Variants in RANBP2 observed in about 807,000 individuals in gnomAD.
RANBP2 encodes RAN binding protein 2, also known as E3 SUMO-protein ligase RanBP2.
A neutral mutation model predicts 303.6 loss-of-function variants in RANBP2; 57 were observed. The ratio of observed to expected loss-of-function variants is 0.19; its 90% confidence interval spans 0.15 to 0.23. The LOEUF is 0.23. Ranked by LOEUF, RANBP2 falls within the 10% of genes least tolerant of loss-of-function variation. The pLI is 1.00. For missense variants in RANBP2, 3,138 were observed against 3,780.8 expected (o/e 0.83, Z 4.46); for synonymous variants, 1,167 against 1,301.5 (o/e 0.90, Z 2.23).
the RANBP2 span, among the ~76,000 whole-genome samples, chr2:109,404,617 G>C: frequency 0.3 from 45,304 of 152,094 alleles, 7,877 homozygotes; most frequent in Non-Finnish European, 0.39. Context: ...ACAGGGCCTG[G>C]GCAGGTGGGG....
At chr2:108,856,529 T>C in the RANBP2 span, among the ~76,000 whole-genome samples, 1 of 152,214 alleles carries the variant, frequency 6.6e-6, no homozygotes, top group East Asian at 1.9e-4. Context: ...TTTTCTTCCT[T>C]AGTATTAAAA....
chr2:108,976,188 G>A, the RANBP2 span, among the ~76,000 whole-genome samples: 4 of 152,094 alleles, frequency 2.6e-5, no homozygotes, highest in Non-Finnish European at 5.9e-5. Context: ...ACATCCTTAG[G>A]CTCTTCTTGG....
the RANBP2 span, among the ~76,000 whole-genome samples, chr2:108,892,408 C>T: frequency 6.6e-6 from 1 of 152,168 alleles, no homozygotes; most frequent in Non-Finnish European, 1.5e-5. Flanking sequence ...TTGTTTGTTT[C>T]TTAGCCCTGG....
At chr2:109,667,264 C>A in the RANBP2 span, 1 of 784,520 alleles carries the variant, frequency 1.3e-6, no homozygotes, top group Non-Finnish European at 2.2e-6. Context: ...AGGCAGAGAC[C>A]AACCATCATA....
the RANBP2 span, chr2:109,371,760 A>G: frequency 3.4e-6 from 4 of 1,161,702 alleles, no homozygotes; most frequent in African/African-American, 3.0e-5. Context: ...CCTGACCTTC[A>G]AGCCCCTTTT....
chr2:108,958,329 G>A, the RANBP2 span, among the ~76,000 whole-genome samples: 5 of 151,744 alleles, frequency 3.3e-5, no homozygotes, highest in South Asian at 4.2e-4. Context: ...AGCTCGTAAC[G>A]ACCACATAAT....
At chr2:109,131,602 A>G in the RANBP2 span, among the ~76,000 whole-genome samples, 1 of 152,198 alleles carries the variant, frequency 6.6e-6, no homozygotes, top group African/African-American at 2.4e-5. Context: ...GTGTTTGACC[A>G]GGAGGTTAGG....
chr2:108,736,342 A>G, intron 6 of RANBP2, 93 bp downstream of exon 6: 1 of 1,604,576 alleles, frequency 6.2e-7, no homozygotes, highest in Admixed American at 1.7e-5. Flanking sequence ...CTGAATCATT[A>G]TTTGTATAAT....
the RANBP2 span, among the ~76,000 whole-genome samples, chr2:109,106,935 T>G: frequency 0.018 from 1,519 of 83,828 alleles, 26 homozygotes; most frequent in African/African-American, 0.089. Context: ...GGCCTTCTCC[T>G]TTTTTTTTTT....
the RANBP2 span, among the ~76,000 whole-genome samples, chr2:109,379,824 G>A: frequency 1.3e-5 from 2 of 152,060 alleles, no homozygotes; most frequent in African/African-American, 2.4e-5. Flanking sequence ...AGCCAGAAGC[G>A]AGGACCAGAA....
chr2:108,906,256 TTCA>T, the RANBP2 span: 1 of 1,595,236 alleles, frequency 6.3e-7, no homozygotes, highest in Non-Finnish European at 8.6e-7. Context: ...GGCCCAGCCC[TTCA>T]TGTCGGTGGG....
chr2:109,067,589 C>T, the RANBP2 span, among the ~76,000 whole-genome samples: 2 of 152,200 alleles, frequency 1.3e-5, no homozygotes, highest in African/African-American at 2.4e-5. Flanking sequence ...TCTGTCTCTC[C>T]TGGGTGTTGG....
At chr2:109,145,916 C>T in the RANBP2 span, among the ~76,000 whole-genome samples, 20 of 152,242 alleles carry the variant, frequency 1.3e-4, no homozygotes, top group Non-Finnish European at 2.8e-4. Context: ...CCCTGGAGCC[C>T]GAATGCCTGG....
At chr2:109,143,323 A>T in the RANBP2 span, among the ~76,000 whole-genome samples, 2 of 152,212 alleles carry the variant, frequency 1.3e-5, no homozygotes, top group Non-Finnish European at 2.9e-5. Flanking sequence ...TGGATAAAAA[A>T]TGCCTTAAGT....
At chr2:108,931,690 C>T in the RANBP2 span, among the ~76,000 whole-genome samples, 7 of 152,134 alleles carry the variant, frequency 4.6e-5, no homozygotes, top group Non-Finnish European at 7.3e-5. Context: ...TAATATTACA[C>T]GAATGCATTC....
the RANBP2 span, among the ~76,000 whole-genome samples, chr2:109,321,112 G>A: frequency 1.4e-4 from 22 of 152,238 alleles, no homozygotes; most frequent in Admixed American, 1.4e-3. Flanking sequence ...AGTATTCATG[G>A]AAGAAAGACT....
the RANBP2 span, chr2:109,501,508 G>A: frequency 3.9e-6 from 3 of 777,424 alleles, no homozygotes; most frequent in African/African-American, 3.4e-5. Flanking sequence ...CCCAGGTACC[G>A]CGTGGTGGTC....
chr2:108,969,297 T>C, the RANBP2 span, among the ~76,000 whole-genome samples: 1 of 152,238 alleles, frequency 6.6e-6, no homozygotes, highest in African/African-American at 2.4e-5. Context: ...GATTCTGTCT[T>C]TCCAAGACCT....
the RANBP2 span, among the ~76,000 whole-genome samples, chr2:109,390,101 G>A: frequency 6.6e-6 from 1 of 152,194 alleles, no homozygotes; most frequent in Non-Finnish European, 1.5e-5. Flanking sequence ...GGATTTAAGT[G>A]TCTACCGGAG....
Sources: allele counts gnomAD v4.1 joint callset (sites outside exome capture counted in the v4.1 genomes callset), GRCh38; gene constraint gnomAD v4.1.1; transcripts MANE v1.5; gene names NCBI Gene and HGNC (gene_info 2026-07-23, HGNC 2026-07-21).